FKBP5: variants seen among roughly 807,000 people sequenced by gnomAD.
FKBP5 encodes the protein FKBP prolyl isomerase 5, also known as peptidyl-prolyl cis-trans isomerase FKBP5.
Under a neutral mutation model 50.5 loss-of-function variants are expected in FKBP5, and 23 were observed. The ratio of observed to expected loss-of-function variants is 0.46; its 90% CI spans 0.33 to 0.65. The LOEUF (loss-of-function observed/expected upper bound fraction) is 0.65. Ranked by LOEUF, FKBP5 falls within the 30% of genes least tolerant of loss-of-function variation. The pLI, the probability that FKBP5 is intolerant of heterozygous loss-of-function variation, is 0.02. For synonymous variants in FKBP5, 176 were observed against 190.6 expected (o/e 0.92, Z 0.63); for missense variants, 411 against 553.1 (o/e 0.74, Z 2.58).
intron 1 of FKBP5, chr6:35,652,024 T>C: frequency 5.6e-6 from 1 of 179,082 alleles, no homozygotes; most frequent in Non-Finnish European, 1.1e-5. Context: ...TTTATGGACA[T>C]TTATTAGTTC....
chr6:35,580,337 T>C, intron 8 of FKBP5, 116 bp from the exon 9 acceptor site: 2 of 829,224 alleles, frequency 2.4e-6, no homozygotes, highest in Non-Finnish European at 3.9e-6. Flanking sequence ...GGTTTCTTTC[T>C]TTCCTTCTGG....
At chr6:35,613,009 AG>A (rs1763536449) in intron 5 of FKBP5, among the ~76,000 whole-genome samples, 1 of 152,234 alleles carries the variant, frequency 6.6e-6, no homozygotes, top group South Asian at 2.1e-4. Context: ...TAAAAGTATC[AG>A]GTAGCAATTC....
At chr6:35,656,810 T>C (rs1764961985) in intron 1 of FKBP5, among the ~76,000 whole-genome samples, 1 of 151,432 alleles carries the variant, frequency 6.6e-6, no homozygotes, top group Non-Finnish European at 1.5e-5. Flanking sequence ...GGCAGGAGAA[T>C]TGCTTGAACC....
rs1762164661 is a variant in FKBP5, at chr6:35,574,793, T to TA, written c.*1041dup. On this transcript the variant is annotated 3_prime_UTR_variant, in exon 11 of 11. Coordinates refer to ENST00000357266, the MANE Select transcript of FKBP5 (RefSeq NM_004117.4). ...GTGTAAATAAAGTTCCATAAACCAG[T>TA]ATACATATGCTTATGAGCCAATAAT... is the stretch of plus-strand genomic sequence containing the variant. 1 of 152,578 alleles carries TA rather than the reference T, an allele frequency of 6.6e-6. No homozygotes were observed. Among genetic ancestry groups the TA allele is most frequent in the African/African-American group, 2.4e-5 (1 of 41,420 alleles). 9.5% of individuals were successfully genotyped at this position (152,578 alleles called of 1,614,324 possible). A position where few individuals can be genotyped will look rare whatever the true frequency, so the allele number is the denominator to read the frequency against.
chr6:35,579,336 T>C (rs1463249653), intron 9 of FKBP5, among the ~76,000 whole-genome samples: 1 of 152,206 alleles, frequency 6.6e-6, no homozygotes, highest in African/African-American at 2.4e-5. Context: ...TCCTTTTATG[T>C]CTACCTTTAA....
At chr6:35,645,244 A>G (rs1764598798) in intron 1 of FKBP5, among the ~76,000 whole-genome samples, 1 of 152,228 alleles carries the variant, frequency 6.6e-6, no homozygotes, top group Non-Finnish European at 1.5e-5. Context: ...CTACAAGACC[A>G]TTGGCCTACA....
At chr6:35,649,443 T>C (rs1332386646) in intron 1 of FKBP5, among the ~76,000 whole-genome samples, 1 of 151,410 alleles carries the variant, frequency 6.6e-6, no homozygotes, top group Non-Finnish European at 1.5e-5. Flanking sequence ...GTTTTTTTTT[T>C]TTAAAGAAAA....
At chr6:35,695,726 G>T (rs529380071) in intron 2 of FKBP5, among the ~76,000 whole-genome samples, 2 of 152,110 alleles carry the variant, frequency 1.3e-5, no homozygotes, top group African/African-American at 4.8e-5. Context: ...GCAATCCAAA[G>T]ATGAAATTAA....
At chr6:35,591,259 G>A in intron 6 of FKBP5, 39 bp from the exon 7 acceptor site, 1 of 1,403,282 alleles carries the variant, frequency 7.1e-7, no homozygotes, top group African/African-American at 1.4e-5. Context: ...TAAAAGGATT[G>A]GTGTATTTCC....
chr6:35,620,039 G>C (rs1409478705), intron 4 of FKBP5, 93 bp downstream of exon 4: 1 of 1,459,132 alleles, frequency 6.9e-7, no homozygotes, highest in Non-Finnish European at 9.5e-7. Context: ...ATTCTCTATA[G>C]CAAGCTTAGC....
At chr6:35,621,954 G>A (rs1271435486) in intron 3 of FKBP5, among the ~76,000 whole-genome samples, 1 of 152,078 alleles carries the variant, frequency 6.6e-6, no homozygotes, top group Non-Finnish European at 1.5e-5. Flanking sequence ...ACTCCAGCCT[G>A]GGCAGCAGAG....
At chr6:35,623,091 A>G (rs1354576405) in intron 3 of FKBP5, among the ~76,000 whole-genome samples, 2 of 152,118 alleles carry the variant, frequency 1.3e-5, no homozygotes, top group African/African-American at 4.8e-5. Flanking sequence ...AAATACAAAA[A>G]ATTAGCCAGG....
chr6:35,582,949 T>G (rs1221032600), intron 8 of FKBP5: 2 of 834,162 alleles, frequency 2.4e-6, no homozygotes, highest in African/African-American at 1.8e-5. Flanking sequence ...TAAAGTGGTG[T>G]GGTGGCTCAC....
chr6:35,600,725 T>G (rs1218059073), intron 5 of FKBP5, among the ~76,000 whole-genome samples: 1 of 152,176 alleles, frequency 6.6e-6, no homozygotes, highest in African/African-American at 2.4e-5. Flanking sequence ...GGGAGGAAAT[T>G]ATCAGTACAT....
At chr6:35,625,661 G>A (rs918239445) in intron 3 of FKBP5, among the ~76,000 whole-genome samples, 6 of 149,120 alleles carry the variant, frequency 4.0e-5, no homozygotes, top group South Asian at 2.2e-4. Flanking sequence ...GCGTGAACCC[G>A]GGAGGCGGAG....
intron 1 of FKBP5, among the ~76,000 whole-genome samples, chr6:35,651,224 A>G (rs991145831): frequency 6.6e-6 from 1 of 152,230 alleles, no homozygotes; most frequent in African/African-American, 2.4e-5. Context: ...ATTTGGGAAG[A>G]TAAGAAGGAA....
At chr6:35,624,105 C>T (rs1193298116) in intron 3 of FKBP5, among the ~76,000 whole-genome samples, 1 of 152,104 alleles carries the variant, frequency 6.6e-6, no homozygotes, top group African/African-American at 2.4e-5. Flanking sequence ...GTGGCTGAGA[C>T]TACAGGCACC....
rs530450730 is a variant in FKBP5 at position 35,583,536 on chromosome 6, CT to C, written c.841-3316del. ...TAGCGAAAAGTCTGTCTTGTACTCCCTGCTTCTGAGGTACTAAAGCAGTTCT... is the reference window on the plus strand; with the variant it reads ...TAGCGAAAAGTCTGTCTTGTACTCCCGCTTCTGAGGTACTAAAGCAGTTCT... On this transcript the variant is annotated intron_variant, in intron 8 of 10. Coordinates refer to ENST00000357266, the MANE Select transcript of FKBP5 (RefSeq NM_004117.4). 7.4e-5 allele frequency: 73 copies of C among 985,414 alleles called. No individual in the cohort carries two copies. In the East Asian group the frequency reaches 5.1e-3, roughly 69 times the overall value. The allele number at this position is 985,414 out of a possible 1,614,324, so 61.0% of individuals were successfully genotyped here. A position where few individuals can be genotyped will look rare whatever the true frequency, so the allele number is the denominator to read the frequency against.
intron 5 of FKBP5, among the ~76,000 whole-genome samples, chr6:35,618,426 T>C (rs749783012): frequency 6.6e-6 from 1 of 152,172 alleles, no homozygotes; most frequent in Non-Finnish European, 1.5e-5. Context: ...TGAAGCACAA[T>C]GGCACAATCA....
Sources: gnomAD v4.1 joint callset for allele counts (sites outside exome capture counted in the v4.1 genomes callset) on GRCh38, gnomAD v4.1.1 for gene constraint, MANE v1.5 for transcripts, NCBI Gene and HGNC (gene_info 2026-07-23, HGNC 2026-07-21) for gene names.